ZC3H11A: variants seen among roughly 807,000 people sequenced by gnomAD.
ZC3H11A encodes zinc finger CCCH-type containing 11A.
ZC3H11A carries 22 observed loss-of-function variants against 90.8 expected under a neutral mutation model. The observed-to-expected ratio is 0.24, with a 90% CI of 0.17 to 0.35. The LOEUF is 0.35. Among genes scored for constraint, ZC3H11A ranks in the 10% least tolerant of loss-of-function variants. The pLI, the probability that ZC3H11A is intolerant of heterozygous loss-of-function variation, is 1.00. For missense variants in ZC3H11A, 701 were observed against 964.9 expected, an observed-to-expected ratio of 0.73 and a Z score of 3.62; for synonymous variants, 294 against 339.8, an observed-to-expected ratio of 0.87 and a Z score of 1.48.
At chr1:203,842,193 G>T (rs575907290) in intron 12 of ZC3H11A, among the ~76,000 whole-genome samples, 2 of 152,006 alleles carry the variant, frequency 1.3e-5, no homozygotes, top group South Asian at 4.2e-4. Flanking sequence ...CTTCCCAGAC[G>T]GGGTGGCGGC....
intron 1 of ZC3H11A, chr1:203,799,329 G>T (rs925865642): frequency 2.8e-6 from 2 of 707,844 alleles, no homozygotes; most frequent in Admixed American, 4.0e-5. Context: ...CAAAAGCATT[G>T]AGAATATGTT....
chr1:203,847,291 G>A lies in ZC3H11A; in HGVS notation c.1150G>A (p.Gly384Arg), dbSNP rs771938050. Reference protein sequence around the residue: ...GELQTKLKTEGPSKTDDSTSG... With the variant: ...GELQTKLKTERPSKTDDSTSG... Reference sequence around the variant, plus strand: ...ATTGCAAACTAAACTCAAGACAGAAGGACCTTCAAAAACTGATGATTCTAC... The same window carrying A: ...ATTGCAAACTAAACTCAAGACAGAAAGACCTTCAAAAACTGATGATTCTAC... Residue 384 changes from glycine (G) to arginine (R), a missense_variant, in exon 13 of 18, where the codon GGA becomes AGA. Coordinates refer to ENST00000367210, the MANE Select transcript of ZC3H11A (RefSeq NM_001376342.1). 9.9e-6 allele frequency: 16 copies of A among 1,613,828 alleles called. No homozygotes were observed. The highest frequency in any genetic ancestry group is 1.3e-5 in the Non-Finnish European group (15 of 1,179,856).
intron 2 of ZC3H11A, among the ~76,000 whole-genome samples, chr1:203,811,217 C>A (rs767342015): frequency 6.6e-6 from 1 of 150,710 alleles, no homozygotes; most frequent in Non-Finnish European, 1.5e-5. Flanking sequence ...CTGAGGCAGG[C>A]GACTCACTTG....
intron 12 of ZC3H11A, among the ~76,000 whole-genome samples, chr1:203,840,738 A>G (rs1402654806): frequency 2.0e-5 from 3 of 151,948 alleles, no homozygotes. Flanking sequence ...GGTTCAAGCA[A>G]TTCCCCTGCC....
intron 1 of ZC3H11A, chr1:203,800,513 T>G: frequency 2.8e-6 from 4 of 1,419,060 alleles, no homozygotes; most frequent in Non-Finnish European, 3.7e-6. Context: ...TTACTGTATC[T>G]TAATAGCTGT....
chr1:203,817,732 T>G (rs964669130), intron 3 of ZC3H11A, among the ~76,000 whole-genome samples: 1 of 152,012 alleles, frequency 6.6e-6, no homozygotes, highest in African/African-American at 2.4e-5. Flanking sequence ...AAAAATTTGT[T>G]CTTCAGTCAT....
rs1207968211 is a variant in ZC3H11A, at chr1:203,802,665, A to G, written c.-497A>G. ...TATATTGTTCAGCTATGGAAGATGG[A>G]GTTTTTTTTCATGATCCTTTAACTC... On this transcript the variant is annotated 5_prime_UTR_variant, in exon 2 of 18. Transcript: ENST00000367210. The G allele has an allele frequency of 6.9e-6, 1 of 143,950 alleles. No individual in the cohort carries two copies. The highest frequency in any genetic ancestry group is 1.5e-5 in the Non-Finnish European group (1 of 65,456). 8.9% of individuals were successfully genotyped at this position (143,950 alleles called of 1,614,324 possible). A position where few individuals can be genotyped will look rare whatever the true frequency, so the allele number is the denominator to read the frequency against.
At chr1:203,828,478 T>C (rs753160459) in intron 5 of ZC3H11A, 56 bp downstream of exon 5, 8 of 1,546,386 alleles carry the variant, frequency 5.2e-6, no homozygotes, top group South Asian at 1.2e-5. Flanking sequence ...TTATGCACAC[T>C]GTACAACAGT....
chr1:203,851,783 T>A (rs1689337527), intron 17 of ZC3H11A, among the ~76,000 whole-genome samples: 1 of 151,294 alleles, frequency 6.6e-6, no homozygotes. Context: ...GACAACATAG[T>A]GAGGTCTTGT....
chr1:203,810,246 G>T (rs61827262), intron 2 of ZC3H11A, among the ~76,000 whole-genome samples: 19,085 of 151,790 alleles, frequency 0.13, 1,571 homozygotes, highest in East Asian at 0.29. Context: ...AAAGTGTTAG[G>T]ATTATAGGCA....
intron 1 of ZC3H11A, chr1:203,798,936 T>C: frequency 6.5e-7 from 1 of 1,536,074 alleles, no homozygotes; most frequent in Non-Finnish European, 8.7e-7. Context: ...TTTCTTAACT[T>C]TAGAGAATGT....
At chr1:203,809,466 G>A (rs970030291) in intron 2 of ZC3H11A, among the ~76,000 whole-genome samples, 5 of 151,604 alleles carry the variant, frequency 3.3e-5, no homozygotes, top group Non-Finnish European at 5.9e-5. Flanking sequence ...CTGAGCCACC[G>A]CACCCAGCCC....
At chr1:203,847,062 T>TAAGCAGAA in intron 12 of ZC3H11A, 122 bp from the exon 13 acceptor site, 1 of 1,096,180 alleles carries the variant, frequency 9.1e-7, no homozygotes, top group Non-Finnish European at 1.3e-6. Flanking sequence ...TTTTGATCCT[T>TAAGCAGAA]TTAATTGCCT....
At position 203,832,163 on chromosome 1, in the gene ZC3H11A, AT is replaced by A. The variant is rs1414978853; in HGVS notation, c.811+396del. Among the ~76,000 whole-genome samples, 4 of 151,998 alleles carry A rather than the reference AT, an allele frequency of 2.6e-5. No homozygotes were observed. In the East Asian group the frequency reaches 7.7e-4, roughly 29 times the overall value. On this transcript the variant is annotated intron_variant, in intron 9 of 17. Coordinates refer to ENST00000367210, the MANE Select transcript of ZC3H11A (RefSeq NM_001376342.1). ...AGCCTCCGTCTTCTGGGTTCAAGCA[AT>A]TTTCGTGTCTCGGCCTCCCAAGTAG...
At chr1:203,849,527 C>T (rs754480989) in intron 14 of ZC3H11A, among the ~76,000 whole-genome samples, 184 bp from the exon 15 acceptor site, 6 of 152,146 alleles carry the variant, frequency 3.9e-5, no homozygotes, top group Non-Finnish European at 1.5e-5. Context: ...TTATTCCATA[C>T]ATCTGTAATT....
intron 2 of ZC3H11A, among the ~76,000 whole-genome samples, chr1:203,805,345 C>G (rs1671963110): frequency 6.6e-6 from 1 of 151,896 alleles, no homozygotes; most frequent in Non-Finnish European, 1.5e-5. Flanking sequence ...GTTGGCCAGG[C>G]TGGTCTCGAA....
chr1:203,844,704 A>G (rs1440001802), intron 12 of ZC3H11A, among the ~76,000 whole-genome samples: 1 of 152,078 alleles, frequency 6.6e-6, no homozygotes, highest in Admixed American at 6.5e-5. Context: ...AGGGTGTACT[A>G]ACAGGCAGCT....
chr1:203,839,603 T>G (rs976367778), intron 11 of ZC3H11A, among the ~76,000 whole-genome samples: 1 of 152,210 alleles, frequency 6.6e-6, no homozygotes, highest in African/African-American at 2.4e-5. Context: ...AAAAGTTACT[T>G]TCTTTGCCAC....
chr1:203,848,411 A>C lies in ZC3H11A; in HGVS notation c.1623+4A>C. The stretch of plus-strand genomic sequence containing the variant: ...TATTAGAACAGAAGCTAAAGAGGTA[A>C]ATTTAAGATTATTGTATGGTTTTGT... On this transcript the variant is annotated splice_donor_region_variant and intron_variant, in intron 14 of 17. Transcript: ENST00000367210. The C allele has an allele frequency of 1.2e-6, 2 of 1,602,794 alleles. No homozygotes were observed. Among genetic ancestry groups the C allele is most frequent in the Non-Finnish European group, 1.7e-6 (2 of 1,175,308 alleles).
Sources: allele counts gnomAD v4.1 joint callset (sites outside exome capture counted in the v4.1 genomes callset), GRCh38; gene constraint gnomAD v4.1.1; transcripts MANE v1.5; gene names NCBI Gene and HGNC (gene_info 2026-07-23, HGNC 2026-07-21).